COL4A2: variants seen among roughly 807,000 people sequenced by gnomAD.
COL4A2 encodes collagen type IV alpha 2 chain, also known as collagen alpha-2(IV) chain.
Under a neutral mutation model 200.2 loss-of-function variants are expected in COL4A2, and 99 were observed. The ratio of observed to expected loss-of-function variants is 0.49; its 90% confidence interval spans 0.42 to 0.58. The LOEUF (loss-of-function observed/expected upper bound fraction) is 0.58, where lower values mean the gene tolerates loss of function less well. Ranked by LOEUF, COL4A2 falls within the 20% of genes least tolerant of loss-of-function variation. The probability of loss-of-function intolerance (pLI) is 0.00; values close to 1 mark genes in which losing one functional copy is unlikely to be tolerated. For missense variants in COL4A2, 1,950 were observed against 2,314.1 expected, an observed-to-expected ratio of 0.84 and a Z score of 3.23; for synonymous variants, 897 against 900.6, an observed-to-expected ratio of 1.00 and a Z score of 0.07.
At chr13:110,326,449 G>C (rs959276415) in intron 3 of COL4A2, among the ~76,000 whole-genome samples, 6 of 152,264 alleles carry the variant, frequency 3.9e-5, no homozygotes, top group Admixed American at 2.6e-4. Context: ...CTGCTCCCCT[G>C]AGTCACGGCG....
intron 4 of COL4A2, among the ~76,000 whole-genome samples, chr13:110,386,420 C>T (rs1878753512): frequency 6.6e-6 from 1 of 152,152 alleles, no homozygotes; most frequent in Non-Finnish European, 1.5e-5. Flanking sequence ...AGGATGGCTC[C>T]TGGGGATCAC....
Position 110,307,985 on chromosome 13 carries a change from C to T in COL4A2, c.44+38C>T. The T allele has an allele frequency of 1.9e-6, 3 of 1,611,784 alleles. No homozygotes were observed. Among genetic ancestry groups the T allele is most frequent in the Non-Finnish European group, 2.5e-6 (3 of 1,178,952 alleles). On this transcript the variant is annotated intron_variant, in intron 2 of 47. Coordinates refer to ENST00000360467, the MANE Select transcript of COL4A2 (RefSeq NM_001846.4). The surrounding 1 kb of genome is among the most constrained non-coding windows in gnomAD (Gnocchi z 5.0). ...CTGCCTGGTCCCCGTGGGTCACGCG[C>T]GCATGGACCCTTCGGTGTAACTCTC...
intron 4 of COL4A2, among the ~76,000 whole-genome samples, chr13:110,385,291 A>G (rs1353582123): frequency 6.6e-6 from 1 of 152,158 alleles, no homozygotes; most frequent in Non-Finnish European, 1.5e-5. Flanking sequence ...CACAAAAACC[A>G]CAGTATGAAC....
chr13:110,408,858 TACAC>T lies in COL4A2; in HGVS notation c.181-15875_181-15872del, dbSNP rs1566517141. Among the ~76,000 whole-genome samples, 12 of 122,508 alleles carry T rather than the reference TACAC, an allele frequency of 9.8e-5. No individual in the cohort carries two copies. In the East Asian group the frequency reaches 3.6e-3, roughly 37 times the overall value. 80.4% of individuals were successfully genotyped at this position (122,508 alleles called of 152,430 possible). A position where few individuals can be genotyped will look rare whatever the true frequency, so the allele number is the denominator to read the frequency against. On this transcript the variant is annotated intron_variant, in intron 4 of 47. Coordinates refer to ENST00000360467, the MANE Select transcript of COL4A2 (RefSeq NM_001846.4). ...ACATACACGCACACATATACACACA[TACAC>T]GCACATATACACATGGACACGCGCA...
At chr13:110,495,943 T>G (rs543234749) in intron 40 of COL4A2, among the ~76,000 whole-genome samples, 2 of 152,152 alleles carry the variant, frequency 1.3e-5, no homozygotes, top group South Asian at 4.1e-4. Context: ...TGAGAAACAT[T>G]CCTAGATAGA....
intron 24 of COL4A2, among the ~76,000 whole-genome samples, chr13:110,462,869 C>T (rs936622085): frequency 6.6e-6 from 1 of 152,210 alleles, no homozygotes; most frequent in Non-Finnish European, 1.5e-5. Flanking sequence ...AGACCCCTTC[C>T]TGTGCACCCT....
intron 41 of COL4A2, among the ~76,000 whole-genome samples, chr13:110,502,302 G>C (rs147523446): frequency 1.1e-3 from 170 of 152,278 alleles, no homozygotes; most frequent in Middle Eastern, 0.01. Flanking sequence ...TACAAGAGGA[G>C]TCCGTCTTTT....
intron 3 of COL4A2, among the ~76,000 whole-genome samples, chr13:110,340,029 CAGGT>C (rs1876378478): frequency 6.6e-6 from 1 of 152,232 alleles, no homozygotes. Flanking sequence ...GGGTGGGTGA[CAGGT>C]AGAGTGGATA....
chr13:110,458,687 G>T, intron 21 of COL4A2, 84 bp from the exon 22 acceptor site: 1 of 1,557,640 alleles, frequency 6.4e-7, no homozygotes, highest in South Asian at 1.2e-5. Context: ...GTGCCACCCA[G>T]CTCTCCCCGC....
At chr13:110,393,967 C>T (rs1236834845) in intron 4 of COL4A2, among the ~76,000 whole-genome samples, 1 of 152,148 alleles carries the variant, frequency 6.6e-6, no homozygotes, top group East Asian at 1.9e-4. Flanking sequence ...TAGTAAAAAC[C>T]TTCCAGCAGA....
chr13:110,382,148 G>GA (rs1219805457), intron 4 of COL4A2, among the ~76,000 whole-genome samples: 2 of 152,018 alleles, frequency 1.3e-5, no homozygotes, highest in Admixed American at 1.3e-4. Flanking sequence ...CATAAATAGA[G>GA]AAAAAAACAA....
At position 110,424,640 on chromosome 13, in the gene COL4A2, C is replaced by CA. The variant is rs71127938; in HGVS notation, c.181-83dup. The stretch of plus-strand genomic sequence containing the variant: ...CCTGTAGATTATAGCTCTTTAAAAA[C>CA]AAAAAAAAAAATGTAGTTTTGAAAG... On this transcript the variant is annotated intron_variant, in intron 4 of 47. Coordinates refer to ENST00000360467, the MANE Select transcript of COL4A2 (RefSeq NM_001846.4). The CA allele has an allele frequency of 0.092, 63,044 of 684,696 alleles. 1,279 individuals are homozygous for CA. Among genetic ancestry groups the CA allele is most frequent in the African/African-American group, 0.17 (9,101 of 54,474 alleles). 42.4% of individuals were successfully genotyped at this position (684,696 alleles called of 1,614,324 possible). A position where few individuals can be genotyped will look rare whatever the true frequency, so the allele number is the denominator to read the frequency against.
chr13:110,474,791 G>T (rs1882629744), intron 29 of COL4A2, among the ~76,000 whole-genome samples: 1 of 144,956 alleles, frequency 6.9e-6, no homozygotes, highest in African/African-American at 2.6e-5. Flanking sequence ...ACACGTGCCT[G>T]TGTACACTCA....
At chr13:110,332,567 T>G (rs1307169232) in intron 3 of COL4A2, among the ~76,000 whole-genome samples, 1 of 152,220 alleles carries the variant, frequency 6.6e-6, no homozygotes, top group Non-Finnish European at 1.5e-5. Flanking sequence ...TCCTCTTGAG[T>G]TTGAACATTG....
intron 3 of COL4A2, among the ~76,000 whole-genome samples, chr13:110,321,691 G>A (rs1885282410): frequency 6.6e-6 from 1 of 152,212 alleles, no homozygotes; most frequent in South Asian, 2.1e-4. Context: ...AAAAGAAAGA[G>A]GTTTAATCAA....
intron 16 of COL4A2, among the ~76,000 whole-genome samples, chr13:110,444,373 T>C (rs1791818505): frequency 6.6e-6 from 1 of 152,256 alleles, no homozygotes; most frequent in Admixed American, 6.5e-5. Context: ...CAGCTCCCAC[T>C]GAGTGTCCAG....
At chr13:110,430,166 C>T in intron 8 of COL4A2, 2 of 683,162 alleles carry the variant, frequency 2.9e-6, no homozygotes, top group South Asian at 3.8e-5. Context: ...CCCATATTCA[C>T]AATACTCCAA....
intron 4 of COL4A2, among the ~76,000 whole-genome samples, chr13:110,387,023 AG>A (rs1878778892): frequency 6.6e-6 from 1 of 152,124 alleles, no homozygotes; most frequent in Admixed American, 6.5e-5. Context: ...GTGAATTACG[AG>A]GTCAGGAGTT....
chr13:110,436,236 T>TA, intron 12 of COL4A2, 33 bp from the exon 13 acceptor site: 1 of 1,612,524 alleles, frequency 6.2e-7, no homozygotes, highest in Non-Finnish European at 8.5e-7. Flanking sequence ...CCTTTCGATT[T>TA]AAAGACAACT....
Sources: gnomAD v4.1 joint callset for allele counts (sites outside exome capture counted in the v4.1 genomes callset) on GRCh38, gnomAD v4.1.1 for gene constraint, Gnocchi (gnomAD v3.1) non-coding constraint, MANE v1.5 for transcripts, NCBI Gene and HGNC (gene_info 2026-07-23, HGNC 2026-07-21) for gene names.